Variants in CUX2 observed in about 807,000 individuals in gnomAD.
CUX2 encodes the protein cut like homeobox 2, also known as homeobox protein cut-like 2.
CUX2 carries 40 observed loss-of-function variants against 144.8 expected under a neutral mutation model. The observed-to-expected ratio is 0.28, with a 90% confidence interval of 0.21 to 0.36. The LOEUF (loss-of-function observed/expected upper bound fraction) is 0.36, where lower values mean the gene tolerates loss of function less well. CUX2 is among the 10% of genes least tolerant of loss of function. The pLI is 1.00. For missense variants in CUX2, 1,615 were observed against 1,994.0 expected (o/e 0.81, Z 3.62); for synonymous variants, 827 against 875.6 (o/e 0.94, Z 0.98).
At chr12:111,232,382 T>C (rs1412759405) in intron 3 of CUX2, among the ~76,000 whole-genome samples, 1 of 152,102 alleles carries the variant, frequency 6.6e-6, no homozygotes, top group Non-Finnish European at 1.5e-5. Flanking sequence ...TGCACACCTG[T>C]AGTCCCAGCA....
chr12:111,056,724 C>T (rs748997330), intron 1 of CUX2, among the ~76,000 whole-genome samples: 5 of 152,222 alleles, frequency 3.3e-5, no homozygotes, highest in Non-Finnish European at 5.9e-5. Flanking sequence ...GAAGGAGTGT[C>T]AAGGTCACCT....
At chr12:111,036,330 G>C (rs575965010) in intron 1 of CUX2, among the ~76,000 whole-genome samples, 2 of 152,268 alleles carry the variant, frequency 1.3e-5, no homozygotes, top group South Asian at 4.2e-4. Context: ...GAGAGGCAGG[G>C]GCTGGGTGCT....
chr12:111,046,484 C>A (rs372403434), intron 1 of CUX2, among the ~76,000 whole-genome samples: 1 of 152,138 alleles, frequency 6.6e-6, no homozygotes, highest in South Asian at 2.1e-4. Flanking sequence ...TGCCAGGAAG[C>A]GGCCCAGCCT....
intron 1 of CUX2, among the ~76,000 whole-genome samples, chr12:111,176,845 G>A (rs1369853488): frequency 6.6e-6 from 1 of 152,164 alleles, no homozygotes; most frequent in Non-Finnish European, 1.5e-5. Context: ...GTTCACCGGA[G>A]GAAATGCCTG....
intron 3 of CUX2, among the ~76,000 whole-genome samples, chr12:111,221,794 G>T (rs1185020795): frequency 6.6e-6 from 1 of 151,904 alleles, no homozygotes; most frequent in Non-Finnish European, 1.5e-5. Context: ...TTCTGTGTGT[G>T]TGTGTGTTTG....
chr12:111,291,396 C>T (rs781620341), intron 4 of CUX2, 22 bp from the exon 5 acceptor site: 4 of 1,583,528 alleles, frequency 2.5e-6, no homozygotes, highest in Non-Finnish European at 3.4e-6. Flanking sequence ...CTCACTATCC[C>T]TGTCTTTCTC....
intron 19 of CUX2, among the ~76,000 whole-genome samples, chr12:111,337,785 C>A (rs1888416474): frequency 6.6e-6 from 1 of 152,314 alleles, no homozygotes; most frequent in South Asian, 2.1e-4. Context: ...CCTGTAATTG[C>A]AGCACTTTGG....
chr12:111,218,117 A>C (rs933320647), intron 3 of CUX2, among the ~76,000 whole-genome samples, 180 bp downstream of exon 3: 1 of 152,134 alleles, frequency 6.6e-6, no homozygotes, highest in Non-Finnish European at 1.5e-5. Context: ...TAGTAATGAG[A>C]ATTGGTTCTC....
chr12:111,304,960 AG>A lies in CUX2; in HGVS notation c.858+651del, dbSNP rs1444402475. On this transcript the variant is annotated intron_variant, in intron 10 of 21. Transcript: ENST00000261726. This position sits in a 1 kb window ranked among gnomAD's most constrained non-coding sequence, Gnocchi z 4.7. Reference sequence around the variant, plus strand: ...TTTCCAAAGCATGCCAGGTGATTCTAGGGGGATTTCCCACCCCAGCCACATG... The same window carrying A: ...TTTCCAAAGCATGCCAGGTGATTCTAGGGGATTTCCCACCCCAGCCACATG... Among the ~76,000 whole-genome samples, 1 of 152,204 alleles carries A rather than the reference AG, an allele frequency of 6.6e-6. No homozygotes were observed. Among genetic ancestry groups the A allele is most frequent in the Non-Finnish European group, 1.5e-5 (1 of 68,016 alleles).
Position 111,294,354 on chromosome 12 carries a change from C to T in CUX2, c.560+785C>T, listed in dbSNP as rs1012243314. Among the ~76,000 whole-genome samples, 8 of 152,198 alleles carry T rather than the reference C, an allele frequency of 5.3e-5. No homozygotes were observed. In the South Asian group the frequency reaches 8.3e-4, roughly 16 times the overall value. On this transcript the variant is annotated intron_variant, in intron 6 of 21. Transcript: ENST00000261726. ...AAATCCTGACCTCAAGTGATCCTCC[C>T]GCCTTGGCCTCCCAAAGTGCTGGGA...
In CUX2 at chr12:111,277,472, A is replaced by G. The variant is rs1163625402; in HGVS notation, c.301+13633A>G. On this transcript the variant is annotated intron_variant, in intron 4 of 21. Transcript: ENST00000261726. The surrounding 1 kb of genome is among the most constrained non-coding windows in gnomAD (Gnocchi z 5.0). ...CCGCGACCCCCCTGCTAGCTGCCTCATTAGGGCTCCGCGGAGACACCACTC... is the reference window on the plus strand; with the variant it reads ...CCGCGACCCCCCTGCTAGCTGCCTCGTTAGGGCTCCGCGGAGACACCACTC... 6.6e-6 allele frequency among the ~76,000 whole-genome samples: 1 copy of G among 151,554 alleles called. No individual in the cohort carries two copies. Among genetic ancestry groups the G allele is most frequent in the East Asian group, 1.9e-4 (1 of 5,166 alleles).
chr12:111,071,954 G>A (rs1325813593), intron 1 of CUX2, among the ~76,000 whole-genome samples: 1 of 152,156 alleles, frequency 6.6e-6, no homozygotes, highest in Non-Finnish European at 1.5e-5. Flanking sequence ...TGGGCTCTCT[G>A]TCCTGTTCTA....
intron 1 of CUX2, among the ~76,000 whole-genome samples, chr12:111,098,359 C>T (rs1351217995): frequency 1.3e-5 from 2 of 151,294 alleles, no homozygotes; most frequent in African/African-American, 4.9e-5. Flanking sequence ...AAAATCATGC[C>T]ACTGCACTCC....
chr12:111,226,651 A>G (rs1882161600), intron 3 of CUX2, among the ~76,000 whole-genome samples: 1 of 152,076 alleles, frequency 6.6e-6, no homozygotes, highest in African/African-American at 2.4e-5. Context: ...TTTATATGAC[A>G]TTCCCTTTAA....
chr12:111,291,631 G>A (rs1885696863), intron 5 of CUX2, 79 bp downstream of exon 5: 2 of 1,433,466 alleles, frequency 1.4e-6, no homozygotes, highest in Admixed American at 2.8e-5. Context: ...AGCCAGCCTT[G>A]TTGCGGGGTG....
chr12:111,162,058 C>A (rs1342889663), intron 1 of CUX2, among the ~76,000 whole-genome samples: 2 of 152,152 alleles, frequency 1.3e-5, no homozygotes, highest in African/African-American at 4.8e-5. Flanking sequence ...CTTAAAGTCA[C>A]TTCAGCAGGG....
In CUX2 at chr12:111,345,755, T is replaced by C. The variant is rs1888775766; in HGVS notation, c.3660-1769T>C. Reference sequence around the variant, plus strand: ...CGTCTCAAAAAAAAAAAAAAAAAGTTTCACGAAAAAGAAAAAAAAAGGCAG... The same window carrying C: ...CGTCTCAAAAAAAAAAAAAAAAAGTCTCACGAAAAAGAAAAAAAAAGGCAG... On this transcript the variant is annotated intron_variant, in intron 21 of 21. Transcript: ENST00000261726. Among the ~76,000 whole-genome samples, 3 of 148,690 alleles carry C rather than the reference T, an allele frequency of 2.0e-5. No homozygotes were observed. The South Asian group carries it at 6.4e-4, about 32-fold the overall frequency.
intron 1 of CUX2, among the ~76,000 whole-genome samples, chr12:111,117,834 T>C (rs957210482): frequency 4.6e-5 from 7 of 152,216 alleles, no homozygotes; most frequent in Non-Finnish European, 8.8e-5. Context: ...GTAGAGCCAC[T>C]TGGCTCCAGG....
At chr12:111,196,966 T>G (rs1023773672) in intron 1 of CUX2, among the ~76,000 whole-genome samples, 14 of 152,108 alleles carry the variant, frequency 9.2e-5, no homozygotes, top group Admixed American at 3.3e-4. Flanking sequence ...AGGGGCTGCA[T>G]GTACAGGAAT....
Sources: allele counts gnomAD v4.1 joint callset (sites outside exome capture counted in the v4.1 genomes callset), GRCh38; gene constraint gnomAD v4.1.1; non-coding constraint Gnocchi (gnomAD v3.1); transcripts MANE v1.5; gene names NCBI Gene and HGNC (gene_info 2026-07-23, HGNC 2026-07-21).